PALM2AKAP2: variants seen among roughly 807,000 people sequenced by gnomAD.
PALM2AKAP2 encodes the protein PALM2-AKAP2 fusion protein.
Under a neutral mutation model 71.5 loss-of-function variants are expected in PALM2AKAP2, and 37 were observed. The observed-to-expected ratio is 0.52, with a 90% confidence interval of 0.40 to 0.68. The LOEUF is 0.68. Among genes scored for constraint, PALM2AKAP2 ranks in the 30% least tolerant of loss-of-function variants. The pLI is 0.00. For missense variants in PALM2AKAP2, 1,224 were observed against 1,191.8 expected, an observed-to-expected ratio of 1.03 and a Z score of -0.40; for synonymous variants, 468 against 478.8, an observed-to-expected ratio of 0.98 and a Z score of 0.29.
At chr9:109,648,566 G>A in intron 1 of PALM2AKAP2, among the ~76,000 whole-genome samples, 1 of 152,170 alleles carries the variant, frequency 6.6e-6, no homozygotes, top group East Asian at 1.9e-4. Context: ...GAGAGTGATG[G>A]GAGGGTTATT....
exon 6 of PALM2AKAP2, chr9:109,932,009 C>A: frequency 6.2e-7 from 1 of 1,613,382 alleles, no homozygotes; most frequent in Non-Finnish European, 8.5e-7. Flanking sequence ...CTGGGCAGGA[C>A]GGGACCAGCA....
Position 110,058,019 on chromosome 9 carries a change from G to C in PALM2AKAP2, c.156+9164G>C, listed in dbSNP as rs72754960. On this transcript the variant is annotated intron_variant, in intron 1 of 3. Coordinates refer to ENST00000374525, the Ensembl canonical transcript of PALM2AKAP2. Reference sequence around the variant, plus strand: ...TAGAATCTGATGGGTAGAGACCAGGGATGCAGCTAAACGCTCTATAACACA... The same window carrying C: ...TAGAATCTGATGGGTAGAGACCAGGCATGCAGCTAAACGCTCTATAACACA... 6.4e-3 allele frequency among the ~76,000 whole-genome samples: 970 copies of C among 152,288 alleles called. 2 individuals carry two copies. Among genetic ancestry groups the C allele is most frequent in the Middle Eastern group, 0.014 (4 of 294 alleles).
chr9:109,813,763 C>T (rs1017812323), intron 1 of PALM2AKAP2, among the ~76,000 whole-genome samples: 3 of 152,160 alleles, frequency 2.0e-5, no homozygotes, highest in Non-Finnish European at 4.4e-5. Context: ...GAGCCTAACT[C>T]GTGTTGTCCT....
chr9:110,091,704 T>C (rs561936855), intron 1 of PALM2AKAP2, among the ~76,000 whole-genome samples: 11 of 152,228 alleles, frequency 7.2e-5, no homozygotes, highest in South Asian at 2.1e-4. Context: ...CCTCATGATC[T>C]GCCCGCCTTG....
chr9:109,731,649 A>G (rs1390729107), intron 1 of PALM2AKAP2, among the ~76,000 whole-genome samples: 2 of 152,172 alleles, frequency 1.3e-5, no homozygotes, highest in Non-Finnish European at 2.9e-5. Context: ...TAATAGTAGT[A>G]TTTCTTGACT....
intron 3 of PALM2AKAP2, among the ~76,000 whole-genome samples, chr9:109,887,043 T>C (rs1829980650): frequency 6.6e-6 from 1 of 152,224 alleles, no homozygotes; most frequent in African/African-American, 2.4e-5. Flanking sequence ...GGACCTGTGA[T>C]TCTCTGAGTA....
intron 1 of PALM2AKAP2, among the ~76,000 whole-genome samples, chr9:109,856,149 T>C (rs923303957): frequency 1.3e-5 from 2 of 152,222 alleles, no homozygotes; most frequent in Non-Finnish European, 2.9e-5. Context: ...ATTAGAGTTT[T>C]ATGTGTTCAA....
At chr9:109,976,179 C>A (rs1832169523) in intron 6 of PALM2AKAP2, among the ~76,000 whole-genome samples, 1 of 152,210 alleles carries the variant, frequency 6.6e-6, no homozygotes, top group African/African-American at 2.4e-5. Flanking sequence ...TCCTTCTCAT[C>A]CAGCACTACA....
chr9:109,836,883 A>G (rs931147507), intron 1 of PALM2AKAP2, among the ~76,000 whole-genome samples: 37 of 152,364 alleles, frequency 2.4e-4, no homozygotes, highest in African/African-American at 8.9e-4. Context: ...ACTATGTGAA[A>G]AAAACAAATC....
chr9:109,871,636 A>G (rs1260668415), intron 2 of PALM2AKAP2, among the ~76,000 whole-genome samples: 1 of 152,192 alleles, frequency 6.6e-6, no homozygotes, highest in Non-Finnish European at 1.5e-5. Context: ...ATATTTCTGT[A>G]GATTAAGATA....
chr9:109,659,160 G>A (rs372649508), intron 1 of PALM2AKAP2, among the ~76,000 whole-genome samples: 1 of 152,138 alleles, frequency 6.6e-6, no homozygotes, highest in African/African-American at 2.4e-5. Context: ...GTGTGTGAAG[G>A]AGGGATTGCT....
intron 7 of PALM2AKAP2, among the ~76,000 whole-genome samples, chr9:110,031,358 G>A (rs1229565878): frequency 2.0e-5 from 3 of 152,126 alleles, no homozygotes; most frequent in African/African-American, 7.2e-5. Context: ...TCGAACTCCT[G>A]ACCTCAACTG....
In PALM2AKAP2 at chr9:110,034,604, C is replaced by CTTTTT. The variant is rs57708385; in HGVS notation, c.582+18584_582+18588dup. 5.0e-3 allele frequency among the ~76,000 whole-genome samples: 588 copies of CTTTTT among 118,320 alleles called. 12 individuals carry two copies. Among genetic ancestry groups the CTTTTT allele is most frequent in the African/African-American group, 0.02 (562 of 28,398 alleles). The allele number at this position is 118,320 out of a possible 152,430, so 77.6% of individuals were successfully genotyped here. Reference sequence around the variant, plus strand: ...AATAACTATCAAGCCATATATTCCCCTTTTTTTTTTTTTTTTTTTTTTTGA... The same window carrying CTTTTT: ...AATAACTATCAAGCCATATATTCCCCTTTTTTTTTTTTTTTTTTTTTTTTTTTTGA... On this transcript the variant is annotated intron_variant, in intron 7 of 9. Coordinates refer to the PALM2AKAP2 transcript ENST00000302798.
At chr9:110,162,012 G>A (rs2119254995) in intron 3 of PALM2AKAP2, 82 bp from the exon 10 acceptor site, 2 of 1,548,192 alleles carry the variant, frequency 1.3e-6, no homozygotes, top group Admixed American at 1.7e-5. Context: ...CTCTTCTGGT[G>A]TGGTGCCTGT....
At chr9:109,660,163 G>T (rs1587857360) in intron 1 of PALM2AKAP2, among the ~76,000 whole-genome samples, 1 of 152,096 alleles carries the variant, frequency 6.6e-6, no homozygotes, top group Non-Finnish European at 1.5e-5. Context: ...AAAATGTGTG[G>T]CTTCTTGAGA....
At chr9:109,896,491 G>A (rs1243039620) in intron 3 of PALM2AKAP2, among the ~76,000 whole-genome samples, 2 of 152,124 alleles carry the variant, frequency 1.3e-5, no homozygotes, top group African/African-American at 4.8e-5. Flanking sequence ...CCTGTGTGCA[G>A]TGGAGTCATA....
At chr9:110,068,693 G>A (rs1390138968) in intron 1 of PALM2AKAP2, among the ~76,000 whole-genome samples, 1 of 151,920 alleles carries the variant, frequency 6.6e-6, no homozygotes, top group African/African-American at 2.4e-5. Context: ...CACCATGCCT[G>A]GCTAATTTTT....
intron 2 of PALM2AKAP2, among the ~76,000 whole-genome samples, chr9:109,870,958 A>G (rs907134272): frequency 6.6e-6 from 1 of 152,224 alleles, no homozygotes; most frequent in African/African-American, 2.4e-5. Context: ...CATTAGAGTT[A>G]GTTGTCATGT....
At chr9:109,857,453 A>G (rs1463744514) in intron 1 of PALM2AKAP2, among the ~76,000 whole-genome samples, 1 of 152,232 alleles carries the variant, frequency 6.6e-6, no homozygotes, top group Non-Finnish European at 1.5e-5. Flanking sequence ...AAATTGAGAA[A>G]TGCTCACAAA....
Sources: allele counts gnomAD v4.1 joint callset (sites outside exome capture counted in the v4.1 genomes callset), GRCh38; gene constraint gnomAD v4.1.1; transcripts MANE v1.5; gene names NCBI Gene and HGNC (gene_info 2026-07-23, HGNC 2026-07-21).